Variants in ZNF536 observed in about 807,000 individuals in gnomAD.
The protein encoded by ZNF536 is zinc finger protein 536.
ZNF536 carries 13 observed loss-of-function variants against 84.5 expected under a neutral mutation model. That is an observed-to-expected ratio of 0.15 (90% CI 0.10 to 0.24). ZNF536 has a LOEUF of 0.24. Ranked by LOEUF, ZNF536 falls within the 10% of genes least tolerant of loss-of-function variation. The probability of loss-of-function intolerance (pLI) is 1.00; values close to 1 mark genes in which losing one functional copy is unlikely to be tolerated. For synonymous variants in ZNF536, 811 were observed against 742.5 expected, an observed-to-expected ratio of 1.09 and a Z score of -1.50; for missense variants, 1,536 against 1,747.5, an observed-to-expected ratio of 0.88 and a Z score of 2.16.
At chr19:30,328,529 T>A (rs2047109654) in intron 2 of ZNF536, among the ~76,000 whole-genome samples, 1 of 152,234 alleles carries the variant, frequency 6.6e-6, no homozygotes, top group African/African-American at 2.4e-5. Context: ...AATTGCGTAT[T>A]CAATAAATGG....
At chr19:30,534,369 A>C (rs1293514168) in intron 2 of ZNF536, among the ~76,000 whole-genome samples, 1 of 152,204 alleles carries the variant, frequency 6.6e-6, no homozygotes, top group East Asian at 1.9e-4. Flanking sequence ...TTCCTGTCCC[A>C]AAATAGCCAT....
intron 1 of ZNF536, among the ~76,000 whole-genome samples, chr19:30,610,521 G>T (rs1406544963): frequency 6.6e-6 from 1 of 152,292 alleles, no homozygotes; most frequent in Non-Finnish European, 1.5e-5. Context: ...GGCTGATCCT[G>T]GGGTGAGGTA....
intron 1 of ZNF536, among the ~76,000 whole-genome samples, chr19:30,564,162 C>A (rs2046271182): frequency 1.3e-5 from 2 of 152,054 alleles, no homozygotes; most frequent in Admixed American, 6.6e-5. Flanking sequence ...AACCTGGAGA[C>A]CTGGGAAGAT....
chr19:30,617,583 C>A (rs1431374363), intron 1 of ZNF536, among the ~76,000 whole-genome samples: 1 of 151,682 alleles, frequency 6.6e-6, no homozygotes, highest in Non-Finnish European at 1.5e-5. Flanking sequence ...ATCTCCTGAC[C>A]TCGTGATCTG....
At chr19:30,450,287 C>T (rs919630663) in intron 2 of ZNF536, among the ~76,000 whole-genome samples, 15 of 151,718 alleles carry the variant, frequency 9.9e-5, no homozygotes, top group Non-Finnish European at 1.6e-4. Context: ...AACTTTATAC[C>T]GGAGCTCGGG....
At position 30,492,569 on chromosome 19, in the gene ZNF536, G is replaced by A. The variant is rs1425919212; in HGVS notation, c.2171-42278G>A. On this transcript the variant is annotated intron_variant, in intron 2 of 4. Transcript: ENST00000355537. ...ATTATAAAAATGATCTGTGATTTATGAATTTAACTTCTCATAAACCTTCTT... is the reference window on the plus strand; with the variant it reads ...ATTATAAAAATGATCTGTGATTTATAAATTTAACTTCTCATAAACCTTCTT... Among the ~76,000 whole-genome samples, 3 of 152,180 alleles carry A rather than the reference G, an allele frequency of 2.0e-5. No individual in the cohort carries two copies. The East Asian group carries it at 5.8e-4, about 29-fold the overall frequency.
rs943451186 is a variant in ZNF536 at position 30,386,325 on chromosome 19, A to G, written c.-3+13769A>G. Among the ~76,000 whole-genome samples the G allele has an allele frequency of 3.3e-5, 5 of 152,070 alleles. No individual in the cohort carries two copies. In the South Asian group the frequency reaches 1.0e-3, roughly 32 times the overall value. ...ATCTCTGTTACCTGTGACTCTTCTG[A>G]CCATGTTATTGTCTCTCTACAGTCT... On this transcript the variant is annotated intron_variant, in intron 1 of 4. Transcript: ENST00000355537.
At chr19:30,654,386 A>C (rs1432204053) in intron 1 of ZNF536, among the ~76,000 whole-genome samples, 5 of 144,562 alleles carry the variant, frequency 3.5e-5, no homozygotes, top group African/African-American at 5.1e-5. Context: ...ACTCCTCACC[A>C]CCCCCCTTAT....
chr19:30,586,216 C>T (rs1236237712), intron 1 of ZNF536, among the ~76,000 whole-genome samples: 2 of 152,190 alleles, frequency 1.3e-5, no homozygotes, highest in Non-Finnish European at 2.9e-5. Flanking sequence ...ATGTGAATAC[C>T]CTCTGCTTAT....
At chr19:30,690,811 T>C (rs1348204973) in intron 1 of ZNF536, among the ~76,000 whole-genome samples, 1 of 152,210 alleles carries the variant, frequency 6.6e-6, no homozygotes, top group East Asian at 1.9e-4. Context: ...TGGCACATAA[T>C]CAGCTGTCCC....
At chr19:30,529,909 C>T (rs1023515006) in intron 2 of ZNF536, among the ~76,000 whole-genome samples, 2 of 152,184 alleles carry the variant, frequency 1.3e-5, no homozygotes, top group African/African-American at 4.8e-5. Flanking sequence ...AAGAAATAAT[C>T]CCATATTATT....
intron 1 of ZNF536, among the ~76,000 whole-genome samples, chr19:30,594,663 C>T (rs2047393136): frequency 6.6e-6 from 1 of 152,058 alleles, no homozygotes; most frequent in Admixed American, 6.5e-5. Flanking sequence ...ACCAGGGCAC[C>T]CCCTGGGTGA....
intron 1 of ZNF536, among the ~76,000 whole-genome samples, chr19:30,393,116 A>G (rs1289817891): frequency 6.6e-6 from 1 of 152,172 alleles, no homozygotes; most frequent in Non-Finnish European, 1.5e-5. Context: ...GAACAAGAAC[A>G]ATCCCCTGTA....
chr19:30,711,499 C>T (rs1230916365), exon 2 of ZNF536: 1 of 152,224 alleles, frequency 6.6e-6, no homozygotes, highest in Non-Finnish European at 1.5e-5. Flanking sequence ...CGGTGCCAGT[C>T]AGACTGGAGC....
At chr19:30,411,191 A>C (rs572302161) in intron 1 of ZNF536, among the ~76,000 whole-genome samples, 1 of 152,360 alleles carries the variant, frequency 6.6e-6, no homozygotes, top group African/African-American at 2.4e-5. Flanking sequence ...CGGTATGCAC[A>C]TTTAAAATTT....
chr19:30,289,116 A>C (rs1451809490), intron 2 of ZNF536, among the ~76,000 whole-genome samples: 1 of 152,052 alleles, frequency 6.6e-6, no homozygotes, highest in Non-Finnish European at 1.5e-5. Flanking sequence ...TGGTGTTTGG[A>C]GAACGCATTC....
At chr19:30,627,468 C>CAAAAAAAAAAAAAAAAAAA (rs569312789) in intron 1 of ZNF536, among the ~76,000 whole-genome samples, 9 of 52,050 alleles carry the variant, frequency 1.7e-4, no homozygotes, top group Admixed American at 1.6e-3. Flanking sequence ...AAGGCCCTGT[C>CAAAAAAAAAAAAAAAAAAA]AAAAAAAAAA....
chr19:30,437,787 C>T (rs946888584), intron 1 of ZNF536, among the ~76,000 whole-genome samples: 3 of 152,178 alleles, frequency 2.0e-5, no homozygotes, highest in East Asian at 1.9e-4. Context: ...TGTCCAGCCT[C>T]GGTAAGGACA....
At chr19:30,252,441 C>T (rs1599894004) in intron 1 of ZNF536, among the ~76,000 whole-genome samples, 1 of 152,126 alleles carries the variant, frequency 6.6e-6, no homozygotes, top group Non-Finnish European at 1.5e-5. Context: ...GGTTGGAAGG[C>T]CAGGGTGCAT....
Sources: gnomAD v4.1 joint callset for allele counts (sites outside exome capture counted in the v4.1 genomes callset) on GRCh38, gnomAD v4.1.1 for gene constraint, MANE v1.5 for transcripts, NCBI Gene and HGNC (gene_info 2026-07-23, HGNC 2026-07-21) for gene names.